Variants in NRG2 observed in about 807,000 individuals in gnomAD.
NRG2 encodes pro-neuregulin-2, membrane-bound isoform.
In NRG2, 27 loss-of-function variants were observed where a neutral mutation model predicts 73.9. That is an observed-to-expected ratio of 0.37 (90% confidence interval 0.27 to 0.50). NRG2 has a LOEUF of 0.50. Among genes scored for constraint, NRG2 ranks in the 20% least tolerant of loss-of-function variants. The probability of loss-of-function intolerance (pLI) is 0.96; values close to 1 mark genes in which losing one functional copy is unlikely to be tolerated. For missense variants in NRG2, 1,126 were observed against 1,210.1 expected (o/e 0.93, Z 1.03); for synonymous variants, 532 against 541.0 (o/e 0.98, Z 0.23).
chr5:139,990,969 G>A (rs761279891), intron 1 of NRG2, among the ~76,000 whole-genome samples: 4 of 151,950 alleles, frequency 2.6e-5, no homozygotes, highest in Non-Finnish European at 2.9e-5. Flanking sequence ...TTCTTTAAGC[G>A]GTCTTTTGGT....
intron 1 of NRG2, among the ~76,000 whole-genome samples, chr5:140,026,225 G>A (rs558834535): frequency 6.6e-6 from 1 of 152,336 alleles, no homozygotes; most frequent in South Asian, 2.1e-4. Flanking sequence ...ATCACAGATA[G>A]GTAGGGGCCA....
In NRG2 at chr5:139,865,678, G is replaced by A; in HGVS notation, c.1113-53C>T. ...AGAACAAACTGGCATCATCCGCGAG[G>A]CTAAGGTTAGAAATCAAAGTGCACA... On this transcript the variant is annotated intron_variant, in intron 4 of 9. Coordinates refer to ENST00000361474, the MANE Select transcript of NRG2 (RefSeq NM_004883.3). This position sits in a 1 kb window ranked among gnomAD's most constrained non-coding sequence, Gnocchi z 5.2. 3.4e-6 allele frequency: 5 copies of A among 1,483,438 alleles called. No homozygotes were observed. Among genetic ancestry groups the A allele is most frequent in the Admixed American group, 2.0e-5 (1 of 51,002 alleles). The allele number at this position is 1,483,438 out of a possible 1,614,324, so 91.9% of individuals were successfully genotyped here.
chr5:139,969,236 A>G (rs574975974), intron 1 of NRG2, among the ~76,000 whole-genome samples: 1 of 152,376 alleles, frequency 6.6e-6, no homozygotes, highest in African/African-American at 2.4e-5. Context: ...TGACTCTGAC[A>G]CAGTTTCCTG....
chr5:139,969,420 A>G (rs1342996369), intron 1 of NRG2, among the ~76,000 whole-genome samples: 1 of 152,240 alleles, frequency 6.6e-6, no homozygotes, highest in Admixed American at 6.5e-5. Flanking sequence ...TTCTGCCTCC[A>G]TGAAAGGAGC....
At chr5:139,885,731 A>G (rs1763820840) in intron 2 of NRG2, among the ~76,000 whole-genome samples, 1 of 148,124 alleles carries the variant, frequency 6.8e-6, no homozygotes, top group African/African-American at 2.5e-5. Context: ...GTGGGGGGGA[A>G]TGTGCGGGAG....
chr5:140,019,033 G>A (rs1273459953), intron 1 of NRG2, among the ~76,000 whole-genome samples: 2 of 152,148 alleles, frequency 1.3e-5, no homozygotes, highest in East Asian at 1.9e-4. Flanking sequence ...GAAAAGGCAG[G>A]GAATCACGGG....
intron 1 of NRG2, among the ~76,000 whole-genome samples, chr5:139,952,374 G>A (rs541388300): frequency 1.2e-4 from 18 of 152,318 alleles, no homozygotes; most frequent in Non-Finnish European, 1.8e-4. Flanking sequence ...AGGAAAATGA[G>A]GCAAGGGTGG....
At chr5:139,996,011 G>A (rs539719917) in intron 1 of NRG2, among the ~76,000 whole-genome samples, 2 of 152,056 alleles carry the variant, frequency 1.3e-5, no homozygotes, top group East Asian at 1.9e-4. Flanking sequence ...GAAAGACCCT[G>A]TCTCTAAAAA....
At chr5:140,003,411 G>A (rs776662485) in intron 1 of NRG2, among the ~76,000 whole-genome samples, 4 of 152,232 alleles carry the variant, frequency 2.6e-5, no homozygotes, top group African/African-American at 7.2e-5. Context: ...GTAATCACAA[G>A]TTTCCTTGTA....
At chr5:139,937,543 G>A (rs1468810801) in intron 1 of NRG2, among the ~76,000 whole-genome samples, 1 of 152,188 alleles carries the variant, frequency 6.6e-6, no homozygotes, top group Non-Finnish European at 1.5e-5. Flanking sequence ...GGTTGTCTAT[G>A]CAGAAAATCC....
chr5:139,955,498 C>A (rs1754552312), intron 1 of NRG2, among the ~76,000 whole-genome samples: 1 of 152,146 alleles, frequency 6.6e-6, no homozygotes, highest in African/African-American at 2.4e-5. Context: ...GCTACATAAA[C>A]TGGGCTAGGA....
chr5:139,926,257 C>A (rs1752053576), intron 1 of NRG2, among the ~76,000 whole-genome samples: 1 of 152,226 alleles, frequency 6.6e-6, no homozygotes, highest in Middle Eastern at 3.2e-3. Context: ...GCATGAGCCT[C>A]TTTGCTCCCT....
chr5:140,043,174 A>C lies in NRG2; in HGVS notation c.-105T>G, dbSNP rs1313201432. ...AAACAGCGTAACGTTAGCGCCTCTT[A>C]GCCCTCCACCGGCAGCCCGGGGAGG... is the stretch of plus-strand genomic sequence containing the variant. On this transcript the variant is annotated 5_prime_UTR_variant, in exon 1 of 10. Transcript: ENST00000361474. This position sits in a 1 kb window ranked among gnomAD's most constrained non-coding sequence, Gnocchi z 6.7. 2 of 1,338,060 alleles carry C rather than the reference A, an allele frequency of 1.5e-6. No individual in the cohort carries two copies. Among genetic ancestry groups the C allele is most frequent in the Non-Finnish European group, 9.9e-7 (1 of 1,006,708 alleles). 82.9% of individuals were successfully genotyped at this position (1,338,060 alleles called of 1,614,324 possible).
intron 1 of NRG2, among the ~76,000 whole-genome samples, chr5:139,914,638 A>G (rs1751113447): frequency 6.6e-6 from 1 of 152,184 alleles, no homozygotes; most frequent in Admixed American, 6.5e-5. Flanking sequence ...CTCCTATCAT[A>G]TACCACCTGC....
rs539694740 is a variant in NRG2, at chr5:139,877,805, A to G, written c.991+3051T>C. ...GTTCAGCCCCACAACGGGAAAACCA[A>G]AGACTGGTGGGGTGAAGTGACTTAC... On this transcript the variant is annotated intron_variant, in intron 3 of 9. Coordinates refer to ENST00000361474, the MANE Select transcript of NRG2 (RefSeq NM_004883.3). Among the ~76,000 whole-genome samples the G allele has an allele frequency of 1.3e-4, 20 of 152,326 alleles. No homozygotes were observed. The South Asian group carries it at 3.1e-3, about 24-fold the overall frequency.
intron 1 of NRG2, among the ~76,000 whole-genome samples, chr5:139,968,722 C>A (rs1383657008): frequency 6.6e-6 from 1 of 152,238 alleles, no homozygotes; most frequent in South Asian, 2.1e-4. Flanking sequence ...CAAGCAACGG[C>A]ATATTATTGG....
intron 1 of NRG2, among the ~76,000 whole-genome samples, chr5:139,930,752 G>C (rs1752413320): frequency 6.6e-6 from 1 of 152,232 alleles, no homozygotes; most frequent in Non-Finnish European, 1.5e-5. Flanking sequence ...GGTTCTGAGT[G>C]CAGCAGCCCA....
chr5:140,018,372 T>A (rs182882309), intron 1 of NRG2, among the ~76,000 whole-genome samples: 9 of 152,262 alleles, frequency 5.9e-5, no homozygotes, highest in Admixed American at 5.9e-4. Context: ...GAGGGATGGG[T>A]GTGTTAGCAG....
chr5:139,854,994 C>T (rs985659714), intron 6 of NRG2, among the ~76,000 whole-genome samples: 2 of 152,138 alleles, frequency 1.3e-5, no homozygotes, highest in South Asian at 2.1e-4. Context: ...GCCCATGCTC[C>T]GGGAGTACAG....
Sources: allele counts gnomAD v4.1 joint callset (sites outside exome capture counted in the v4.1 genomes callset), GRCh38; gene constraint gnomAD v4.1.1; non-coding constraint Gnocchi (gnomAD v3.1); transcripts MANE v1.5; gene names NCBI Gene and HGNC (gene_info 2026-07-23, HGNC 2026-07-21).